Variants in ABCA1 observed in about 807,000 individuals in gnomAD.
ABCA1 encodes phospholipid-transporting ATPase ABCA1.
In ABCA1, 133 loss-of-function variants were observed where a neutral mutation model predicts 262.5. The ratio of observed to expected loss-of-function variants is 0.51; its 90% CI spans 0.44 to 0.59. ABCA1 has a LOEUF of 0.59. Ranked by LOEUF, ABCA1 falls within the 20% of genes least tolerant of loss-of-function variation. The pLI, the probability that ABCA1 is intolerant of heterozygous loss-of-function variation, is 0.00. For synonymous variants in ABCA1, 1,022 were observed against 1,043.5 expected (o/e 0.98, Z 0.40); for missense variants, 2,452 against 2,777.5 (o/e 0.88, Z 2.63).
chr9:104,868,712 AAGAACAAAAAAC>A (rs1837310292), intron 5 of ABCA1, among the ~76,000 whole-genome samples: 1 of 152,196 alleles, frequency 6.6e-6, no homozygotes, highest in Non-Finnish European at 1.5e-5. Context: ...GGAAAGGAAA[AAGAACAAAAAAC>A]AGGTGACATG....
At chr9:104,843,947 C>T (rs144258418) in intron 8 of ABCA1, among the ~76,000 whole-genome samples, 191 of 150,726 alleles carry the variant, frequency 1.3e-3, no homozygotes, top group African/African-American at 4.5e-3. Flanking sequence ...CCAAGAAAAA[C>T]GTATATTGTT....
chr9:104,834,587 C>A (rs190280863), intron 11 of ABCA1, among the ~76,000 whole-genome samples: 1 of 149,084 alleles, frequency 6.7e-6, no homozygotes, highest in South Asian at 2.2e-4. Context: ...AAAAGAATAG[C>A]AAGACTAGAA....
chr9:104,864,640 C>G (rs1057349248), intron 5 of ABCA1, among the ~76,000 whole-genome samples: 1 of 152,050 alleles, frequency 6.6e-6, no homozygotes, highest in Admixed American at 6.6e-5. Flanking sequence ...TTAGCTAACC[C>G]TCACTGACTA....
rs56710442 is a variant in ABCA1, at chr9:104,896,711, C to CTT, written c.66+6901_66+6902dup. On this transcript the variant is annotated intron_variant, in intron 2 of 49. Transcript: ENST00000374736. ...AACTCCAAAATTGCTCCCTACACAT[C>CTT]TTTTTTTTTTTTTTTTTTTTTTTTT... Among the ~76,000 whole-genome samples the CTT allele has an allele frequency of 5.2e-3, 192 of 37,008 alleles. 52 individuals are homozygous for CTT. The highest frequency in any genetic ancestry group is 6.4e-3 in the Non-Finnish European group (131 of 20,512). 24.3% of individuals were successfully genotyped at this position (37,008 alleles called of 152,430 possible). A position where few individuals can be genotyped will look rare whatever the true frequency, so the allele number is the denominator to read the frequency against.
At chr9:104,905,965 A>C (rs1164478703) in intron 1 of ABCA1, among the ~76,000 whole-genome samples, 1 of 152,228 alleles carries the variant, frequency 6.6e-6, no homozygotes, top group African/African-American at 2.4e-5. Flanking sequence ...TGGTAAAATA[A>C]GGATGACAAT....
In ABCA1 at chr9:104,856,028, C is replaced by G. The variant is rs905851988; in HGVS notation, c.720+2494G>C. The G allele has an allele frequency of 1.9e-6, 3 of 1,612,584 alleles. No homozygotes were observed. In the African/African-American group the frequency reaches 4.0e-5, roughly 22 times the overall value. The stretch of plus-strand genomic sequence containing the variant: ...GGCTTTGCATCTCCGGTTGCTGCTA[C>G]TGCTGCACTTCTTGGCACAGTTAAC... On this transcript the variant is annotated intron_variant, in intron 7 of 49. Coordinates refer to ENST00000374736, the MANE Select transcript of ABCA1 (RefSeq NM_005502.4).
chr9:104,811,574 C>A (rs976108708), intron 28 of ABCA1, among the ~76,000 whole-genome samples: 3 of 152,172 alleles, frequency 2.0e-5, no homozygotes, highest in Non-Finnish European at 4.4e-5. Flanking sequence ...AAAAAAATGA[C>A]TTGGGTATAC....
chr9:104,902,304 C>T (rs748201492), intron 2 of ABCA1, among the ~76,000 whole-genome samples: 5 of 152,162 alleles, frequency 3.3e-5, no homozygotes, highest in Middle Eastern at 3.2e-3. Flanking sequence ...ATTGTGTTGG[C>T]ACCAGTATAA....
At chr9:104,856,022 C>T (rs1835805685) in intron 7 of ABCA1, 3 of 1,612,802 alleles carry the variant, frequency 1.9e-6, no homozygotes, top group Non-Finnish European at 2.5e-6. Flanking sequence ...TCTCCGGTTG[C>T]TGCTACTGCT....
Position 104,783,658 on chromosome 9 carries a change from C to A in ABCA1, c.*657G>T. 6.5e-6 allele frequency: 1 copy of A among 152,882 alleles called. No homozygotes were observed. The highest frequency in any genetic ancestry group is 1.5e-5 in the Non-Finnish European group (1 of 68,466). 9.5% of individuals were successfully genotyped at this position (152,882 alleles called of 1,614,324 possible). On this transcript the variant is annotated 3_prime_UTR_variant, in exon 50 of 50. Transcript: ENST00000374736. Reference sequence around the variant, plus strand: ...CATTTTTGTTGCATGTTACTGCCACCAGAACAGCTTATCAGAGGGAATCAA... The same window carrying A: ...CATTTTTGTTGCATGTTACTGCCACAAGAACAGCTTATCAGAGGGAATCAA...
chr9:104,858,845 G>T (rs1836080349), intron 6 of ABCA1, 147 bp from the exon 7 acceptor site: 2 of 787,342 alleles, frequency 2.5e-6, no homozygotes, highest in South Asian at 3.0e-5. Flanking sequence ...AATGCATCAG[G>T]TCTCTTTACT....
intron 7 of ABCA1, chr9:104,855,552 T>C: frequency 3.0e-6 from 3 of 1,004,570 alleles, no homozygotes; most frequent in Non-Finnish European, 4.1e-6. Flanking sequence ...TAATTTCTAC[T>C]ACTCATGTCA....
At chr9:104,890,524 T>C (rs1456442495) in intron 2 of ABCA1, among the ~76,000 whole-genome samples, 1 of 151,746 alleles carries the variant, frequency 6.6e-6, no homozygotes, top group African/African-American at 2.4e-5. Flanking sequence ...GAGGTTGCGG[T>C]GAGCTGAGAT....
At chr9:104,893,145 G>T (rs10125482) in intron 2 of ABCA1, among the ~76,000 whole-genome samples, 16,783 of 152,058 alleles carry the variant, frequency 0.11, 995 homozygotes, top group Middle Eastern at 0.19. Context: ...TTATGAGGCC[G>T]GGCGTGGTGG....
chr9:104,784,095 C>T lies in ABCA1; in HGVS notation c.*220G>A. 1.8e-6 allele frequency: 1 copy of T among 556,974 alleles called. No individual in the cohort carries two copies. The highest frequency in any genetic ancestry group is 3.2e-6 in the Non-Finnish European group (1 of 316,778). The allele number at this position is 556,974 out of a possible 1,614,324, so 34.5% of individuals were successfully genotyped here. A position where few individuals can be genotyped will look rare whatever the true frequency, so the allele number is the denominator to read the frequency against. On this transcript the variant is annotated 3_prime_UTR_variant, in exon 50 of 50. Transcript: ENST00000374736. ...TAAAAAACTAAATTCAAGTCTTTCA[C>T]TTGAGAGCCATACAAGACATAGGCT... is the stretch of plus-strand genomic sequence containing the variant.
intron 39 of ABCA1, among the ~76,000 whole-genome samples, chr9:104,795,562 AG>A (rs1829825062): frequency 6.6e-6 from 1 of 152,180 alleles, no homozygotes; most frequent in South Asian, 2.1e-4. Flanking sequence ...TTAAGTTCCA[AG>A]GGGAAAGAAA....
intron 8 of ABCA1, among the ~76,000 whole-genome samples, chr9:104,842,377 A>G (rs1467506806): frequency 6.6e-6 from 1 of 152,164 alleles, no homozygotes; most frequent in Non-Finnish European, 1.5e-5. Context: ...CAGTGAGTCA[A>G]AACACTCACT....
chr9:104,906,975 A>G (rs1841192242), intron 1 of ABCA1, among the ~76,000 whole-genome samples: 1 of 152,188 alleles, frequency 6.6e-6, no homozygotes, highest in Non-Finnish European at 1.5e-5. Context: ...CAGAGCACCC[A>G]AAGTTACTCA....
chr9:104,867,004 T>C (rs1383491259), intron 5 of ABCA1, among the ~76,000 whole-genome samples: 1 of 152,190 alleles, frequency 6.6e-6, no homozygotes, highest in African/African-American at 2.4e-5. Flanking sequence ...AATGAATGAA[T>C]GAATACAAAT....
Sources: gnomAD v4.1 joint callset for allele counts (sites outside exome capture counted in the v4.1 genomes callset) on GRCh38, gnomAD v4.1.1 for gene constraint, MANE v1.5 for transcripts, NCBI Gene and HGNC (gene_info 2026-07-23, HGNC 2026-07-21) for gene names.